Variants in PDIA5 observed in about 807,000 individuals in gnomAD.
PDIA5 encodes the protein protein disulfide isomerase family A member 5.
In PDIA5, 58 loss-of-function variants were observed where a neutral mutation model predicts 77.6. The ratio of observed to expected loss-of-function variants is 0.75; its 90% confidence interval spans 0.61 to 0.93. PDIA5 has a LOEUF of 0.93. PDIA5 is among the 40% of genes least tolerant of loss of function. The pLI, the probability that PDIA5 is intolerant of heterozygous loss-of-function variation, is 0.00. For missense variants in PDIA5, 630 were observed against 647.7 expected (o/e 0.97, Z 0.30); for synonymous variants, 250 against 252.1 (o/e 0.99, Z 0.08).
At chr3:123,083,393 GAGATGCTT>G in intron 1 of PDIA5, among the ~76,000 whole-genome samples, 1 of 152,306 alleles carries the variant, frequency 6.6e-6, no homozygotes, top group Non-Finnish European at 1.5e-5. Flanking sequence ...CTGCACCAGG[GAGATGCTT>G]TATGGGTCTC....
intron 3 of PDIA5, 95 bp from the exon 4 acceptor site, chr3:123,102,315 AC>A (rs1368769532): frequency 2.3e-6 from 2 of 880,616 alleles, no homozygotes; most frequent in African/African-American, 3.3e-5. Context: ...ATTCCAAGTT[AC>A]CTGACTTATT....
intron 10 of PDIA5, among the ~76,000 whole-genome samples, chr3:123,127,248 A>G (rs1485486235): frequency 6.6e-6 from 1 of 152,236 alleles, no homozygotes; most frequent in Non-Finnish European, 1.5e-5. Context: ...TGCAGAGCTC[A>G]TGAAATCAGT....
At chr3:123,129,132 A>G (rs1193027909) in intron 10 of PDIA5, among the ~76,000 whole-genome samples, 3 of 152,218 alleles carry the variant, frequency 2.0e-5, no homozygotes, top group Non-Finnish European at 2.9e-5. Flanking sequence ...GTAAAGATAA[A>G]TTGCTCTGAA....
intron 6 of PDIA5, among the ~76,000 whole-genome samples, chr3:123,108,775 A>G (rs966392856): frequency 1.4e-4 from 22 of 151,876 alleles, no homozygotes; most frequent in African/African-American, 5.1e-4. Context: ...AATCCCAGCT[A>G]CTCGGGAGAC....
chr3:123,102,660 G>T, intron 4 of PDIA5, 91 bp from the exon 5 acceptor site: 1 of 1,194,512 alleles, frequency 8.4e-7, no homozygotes, highest in Non-Finnish European at 1.2e-6. Context: ...CCGTTCAAAA[G>T]CTGAATCTTA....
chr3:123,099,566 C>T (rs1400251699), intron 3 of PDIA5, among the ~76,000 whole-genome samples: 3 of 152,146 alleles, frequency 2.0e-5, no homozygotes, highest in African/African-American at 4.8e-5. Context: ...AGTGAGGGCT[C>T]GTGGGGCGCT....
At chr3:123,126,233 A>G (rs1169360990) in intron 10 of PDIA5, among the ~76,000 whole-genome samples, 2 of 149,094 alleles carry the variant, frequency 1.3e-5, no homozygotes, top group South Asian at 2.1e-4. Flanking sequence ...TCCTCTCGGC[A>G]CACCCCATCC....
At chr3:123,091,835 G>A (rs1159772402) in intron 2 of PDIA5, among the ~76,000 whole-genome samples, 2 of 152,202 alleles carry the variant, frequency 1.3e-5, no homozygotes, top group South Asian at 2.1e-4. Flanking sequence ...TCATCAGGTT[G>A]TACTGAGCTC....
rs1370548154 is a variant in PDIA5 at position 123,154,974 on chromosome 3, G to A, written c.1277G>A (p.Cys426Tyr). Residue 426 changes from cysteine (C) to tyrosine (Y), a missense_variant, in exon 15 of 17, where the codon TGC (cysteine) becomes TAC (tyrosine). Coordinates refer to ENST00000316218, the MANE Select transcript of PDIA5 (RefSeq NM_006810.4). ...GCTCTCTTCCCCTCTCACACAGGGT[G>A]CCCACACTGTAAGAAGGTCATTCCG... ...HTLVMFYAPW[C>Y]PHCKKVIPHF... 2.5e-6 allele frequency: 4 copies of A among 1,606,626 alleles called. No homozygotes were observed. The highest frequency in any genetic ancestry group is 3.4e-6 in the Non-Finnish European group (4 of 1,173,212).
At chr3:123,088,582 G>A (rs1283969600) in intron 1 of PDIA5, among the ~76,000 whole-genome samples, 2 of 152,218 alleles carry the variant, frequency 1.3e-5, no homozygotes, top group Non-Finnish European at 2.9e-5. Context: ...CTCGACTGAT[G>A]TGTAACAATG....
At chr3:123,077,583 C>CAA (rs879788549) in intron 1 of PDIA5, among the ~76,000 whole-genome samples, 1 of 146,662 alleles carries the variant, frequency 6.8e-6, no homozygotes, top group Non-Finnish European at 1.5e-5. Flanking sequence ...CACACACACA[C>CAA]AACAATATCA....
chr3:123,088,195 A>G (rs1237836993), intron 1 of PDIA5, among the ~76,000 whole-genome samples: 2 of 152,176 alleles, frequency 1.3e-5, no homozygotes, highest in Non-Finnish European at 2.9e-5. Flanking sequence ...CAGCTGTGCA[A>G]TCTGGGCAAG....
At chr3:123,095,453 G>A (rs1425936819) in intron 3 of PDIA5, among the ~76,000 whole-genome samples, 3 of 152,134 alleles carry the variant, frequency 2.0e-5, no homozygotes, top group Non-Finnish European at 4.4e-5. Context: ...TGACCCTTAA[G>A]AAGTACAGGG....
chr3:123,138,981 T>C (rs1576460028), intron 11 of PDIA5, among the ~76,000 whole-genome samples: 1 of 152,126 alleles, frequency 6.6e-6, no homozygotes, highest in African/African-American at 2.4e-5. Flanking sequence ...ATAAGTATAA[T>C]TGAATTTAAT....
At chr3:123,101,147 A>T (rs1221468877) in intron 3 of PDIA5, among the ~76,000 whole-genome samples, 1 of 152,218 alleles carries the variant, frequency 6.6e-6, no homozygotes, top group African/African-American at 2.4e-5. Flanking sequence ...TTATGGAGGT[A>T]GGGGAGAAGA....
intron 11 of PDIA5, among the ~76,000 whole-genome samples, chr3:123,139,789 A>T (rs527819513): frequency 7.2e-5 from 11 of 152,266 alleles, no homozygotes; most frequent in African/African-American, 2.6e-4. Flanking sequence ...AAACCTAACA[A>T]CCTAACAAGT....
chr3:123,095,820 G>C (rs1934421710), intron 3 of PDIA5, among the ~76,000 whole-genome samples: 1 of 151,496 alleles, frequency 6.6e-6, no homozygotes, highest in Non-Finnish European at 1.5e-5. Flanking sequence ...AGAAGACCCA[G>C]CTTTGAGTCC....
At chr3:123,085,054 A>C (rs1365875534) in intron 1 of PDIA5, among the ~76,000 whole-genome samples, 1 of 151,834 alleles carries the variant, frequency 6.6e-6, no homozygotes, top group Non-Finnish European at 1.5e-5. Flanking sequence ...TAGCCCAGAC[A>C]CCCCCTGAGC....
chr3:123,091,295 G>A (rs1459683717), intron 2 of PDIA5, among the ~76,000 whole-genome samples: 2 of 152,184 alleles, frequency 1.3e-5, no homozygotes, highest in African/African-American at 2.4e-5. Context: ...TAGAAAAGGC[G>A]ATCTGCGGAG....
Sources: allele counts gnomAD v4.1 joint callset (sites outside exome capture counted in the v4.1 genomes callset), GRCh38; gene constraint gnomAD v4.1.1; transcripts MANE v1.5; gene names NCBI Gene and HGNC (gene_info 2026-07-23, HGNC 2026-07-21).